Variants in ATP6V0A4 observed in about 807,000 individuals in gnomAD.
ATP6V0A4 encodes the protein V-type proton ATPase 116 kDa subunit a 4.
ATP6V0A4 carries 86 observed loss-of-function variants against 107.3 expected under a neutral mutation model. The ratio of observed to expected loss-of-function variants is 0.80; its 90% CI spans 0.67 to 0.96. ATP6V0A4 has a LOEUF of 0.96. Among genes scored for constraint, ATP6V0A4 ranks in the 40% least tolerant of loss-of-function variants. The pLI is 0.00. For missense variants in ATP6V0A4, 908 were observed against 1,045.6 expected, an observed-to-expected ratio of 0.87 and a Z score of 1.81; for synonymous variants, 353 against 381.4, an observed-to-expected ratio of 0.93 and a Z score of 0.87.
intron 17 of ATP6V0A4, among the ~76,000 whole-genome samples, chr7:138,732,313 T>C (rs1805061204): frequency 1.3e-5 from 2 of 152,080 alleles, no homozygotes; most frequent in Non-Finnish European, 2.9e-5. Context: ...TACAAGACAA[T>C]CTTCAATCCC....
rs570184184 is a variant in ATP6V0A4, at chr7:138,725,030, G to A, written c.2011-3005C>T. 3.5e-4 allele frequency among the ~76,000 whole-genome samples: 54 copies of A among 152,308 alleles called. 2 individuals are homozygous for A. In the South Asian group the frequency reaches 8.7e-3, roughly 25 times the overall value. ...TCACACTTACAATCCCAGTGCTTTG[G>A]GAGGCAAAGGCAGGAGGATCACTTG... On this transcript the variant is annotated intron_variant, in intron 18 of 21. Transcript: ENST00000310018.
At chr7:138,770,300 G>C (rs766742375) in intron 3 of ATP6V0A4, among the ~76,000 whole-genome samples, 1 of 152,022 alleles carries the variant, frequency 6.6e-6, no homozygotes, top group Non-Finnish European at 1.5e-5. Context: ...AAGGAAGTCT[G>C]TCCTCATCTA....
chr7:138,733,346 G>A (rs984317229), intron 16 of ATP6V0A4, among the ~76,000 whole-genome samples: 12 of 150,390 alleles, frequency 8.0e-5, no homozygotes, highest in African/African-American at 9.8e-5. Flanking sequence ...TAGAAGTAAC[G>A]TCTAAAGCAA....
chr7:138,728,882 A>C lies in ATP6V0A4; in HGVS notation c.1909-20T>G. ...TTCTTGCTGCAAGACCAAAATGGCG[A>C]GATCTCATCATTTTCACATGGCAGA... On this transcript the variant is annotated intron_variant, in intron 17 of 21. Coordinates refer to ENST00000310018, the MANE Select transcript of ATP6V0A4 (RefSeq NM_020632.3). The C allele has an allele frequency of 1.2e-6, 2 of 1,614,022 alleles. No homozygotes were observed. The highest frequency in any genetic ancestry group is 1.7e-6 in the Non-Finnish European group (2 of 1,180,036).
intron 18 of ATP6V0A4, among the ~76,000 whole-genome samples, chr7:138,724,633 A>G (rs928684223): frequency 1.3e-5 from 2 of 152,166 alleles, no homozygotes; most frequent in Non-Finnish European, 2.9e-5. Flanking sequence ...TCTTTATCCC[A>G]TGGGGAGGGA....
intron 12 of ATP6V0A4, among the ~76,000 whole-genome samples, chr7:138,748,399 A>G (rs1019649102): frequency 6.6e-6 from 1 of 151,804 alleles, no homozygotes; most frequent in Admixed American, 6.6e-5. Flanking sequence ...CTATCCTTTC[A>G]TTTTATTTTA....
At chr7:138,720,168 C>A (rs562069843) in intron 19 of ATP6V0A4, among the ~76,000 whole-genome samples, 1 of 152,258 alleles carries the variant, frequency 6.6e-6, no homozygotes, top group South Asian at 2.1e-4. Context: ...CCCAAACTTG[C>A]GGCTGGGATC....
At chr7:138,745,943 C>CAAAAAAA (rs1185253786) in intron 13 of ATP6V0A4, among the ~76,000 whole-genome samples, 1 of 72,298 alleles carries the variant, frequency 1.4e-5, no homozygotes, top group African/African-American at 5.9e-5. Context: ...GACTCTGTCT[C>CAAAAAAA]AAAAAAAAAA....
chr7:138,715,629 G>A, intron 20 of ATP6V0A4, 135 bp downstream of exon 20: 2 of 1,298,888 alleles, frequency 1.5e-6, no homozygotes, highest in Non-Finnish European at 2.2e-6. Context: ...ACCTGTGCCT[G>A]GGAAAGAAGA....
At chr7:138,723,236 C>T (rs1804527694) in intron 18 of ATP6V0A4, among the ~76,000 whole-genome samples, 1 of 152,058 alleles carries the variant, frequency 6.6e-6, no homozygotes, top group African/African-American at 2.4e-5. Context: ...TACAAAAGTG[C>T]CTTTCCATTG....
At chr7:138,707,310 T>TTATTTA (rs71179727) in intron 21 of ATP6V0A4, among the ~76,000 whole-genome samples, 16,880 of 88,632 alleles carry the variant, frequency 0.19, 1,916 homozygotes, top group Admixed American at 0.25. Context: ...ATATTTATAT[T>TTATTTA]TATTTATATT....
chr7:138,706,718 CTGTTGT>C lies in ATP6V0A4; in HGVS notation c.2430-7_2430-2del, dbSNP rs1449016704. On this transcript the variant is annotated splice_acceptor_variant and splice_polypyrimidine_tract_variant and intron_variant, in intron 21 of 21. Coordinates refer to ENST00000310018, the MANE Select transcript of ATP6V0A4 (RefSeq NM_020632.3). LOFTEE classifies it high-confidence loss of function. ...ATAGAACTTGTTCTGGAACTCAACC[CTGTTGT>C]TGAGGGGAGGCCGTGGGGTAAGAAA... 2 of 1,613,182 alleles carry C rather than the reference CTGTTGT, an allele frequency of 1.2e-6. No individual in the cohort carries two copies. The highest frequency in any genetic ancestry group is 3.3e-5 in the Admixed American group (2 of 59,916).
intron 5 of ATP6V0A4, among the ~76,000 whole-genome samples, chr7:138,765,751 T>C (rs1321487566): frequency 6.6e-6 from 1 of 151,996 alleles, no homozygotes; most frequent in Non-Finnish European, 1.5e-5. Flanking sequence ...TGTTTTTGTT[T>C]TTGTTTTTGT....
At chr7:138,755,179 C>T in intron 10 of ATP6V0A4, among the ~76,000 whole-genome samples, 1 of 152,166 alleles carries the variant, frequency 6.6e-6, no homozygotes, top group Non-Finnish European at 1.5e-5. Flanking sequence ...GATTTCTGAT[C>T]ATAAGTGTGT....
intron 20 of ATP6V0A4, among the ~76,000 whole-genome samples, chr7:138,714,265 C>T (rs1049799908): frequency 5.5e-5 from 8 of 144,842 alleles, no homozygotes; most frequent in Admixed American, 4.9e-4. Flanking sequence ...CTCCTCAGGG[C>T]CACTGCATAT....
In ATP6V0A4 at chr7:138,758,739, ATTTTTTTTTTTTTTT is replaced by A. The variant is rs398006555; in HGVS notation, c.639+998_639+1012del. On this transcript the variant is annotated intron_variant, in intron 8 of 21. Coordinates refer to ENST00000310018, the MANE Select transcript of ATP6V0A4 (RefSeq NM_020632.3). ...CCCCACTCAGACCCACTGACTCAGA[ATTTTTTTTTTTTTTT>A]TTTTTTTTTTTTTTTTGAGGGAGTC... Among the ~76,000 whole-genome samples the A allele has an allele frequency of 4.2e-4, 25 of 59,204 alleles. 1 individual carries two copies. The highest frequency in any genetic ancestry group is 3.3e-3 in the Admixed American group (10 of 3,000). 38.8% of individuals were successfully genotyped at this position (59,204 alleles called of 152,430 possible).
chr7:138,756,065 C>T (rs1381359449), intron 9 of ATP6V0A4: 4 of 555,910 alleles, frequency 7.2e-6, no homozygotes, highest in East Asian at 6.9e-5. Context: ...TGGGCTTGCC[C>T]CTTCCTAAGA....
chr7:138,774,680 T>G (rs2353845), intron 2 of ATP6V0A4, among the ~76,000 whole-genome samples: 1 of 40,482 alleles, frequency 2.5e-5, no homozygotes, highest in Non-Finnish European at 7.8e-5. Flanking sequence ...ACATTATATA[T>G]AGTATATACA....
At chr7:138,766,404 C>T (rs1397497585) in intron 5 of ATP6V0A4, among the ~76,000 whole-genome samples, 1 of 151,510 alleles carries the variant, frequency 6.6e-6, no homozygotes, top group Non-Finnish European at 1.5e-5. Context: ...TGGGGTTTCA[C>T]CATGTTAGTC....
Sources: gnomAD v4.1 joint callset for allele counts (sites outside exome capture counted in the v4.1 genomes callset) on GRCh38, gnomAD v4.1.1 for gene constraint, MANE v1.5 for transcripts, NCBI Gene and HGNC (gene_info 2026-07-23, HGNC 2026-07-21) for gene names.